The following ENTPD3 variants were observed in gnomAD, a reference collection of about 807,000 sequenced individuals.
ENTPD3 encodes ectonucleoside triphosphate diphosphohydrolase 3, also known as CD39 antigen-like 3.
A neutral mutation model predicts 51.2 loss-of-function variants in ENTPD3; 60 were observed. The observed-to-expected ratio is 1.17, with a 90% CI of 0.95 to 1.45. The LOEUF is 1.45. Ranked by LOEUF, ENTPD3 falls within the 40% of genes most tolerant of loss-of-function variation. ENTPD3 has a pLI of 0.00. For missense variants in ENTPD3, 593 were observed against 641.1 expected (o/e 0.93, Z 0.81); for synonymous variants, 221 against 238.4 (o/e 0.93, Z 0.67).
intron 3 of ENTPD3, among the ~76,000 whole-genome samples, chr3:40,392,858 T>C (rs1955097053): frequency 6.6e-6 from 1 of 152,138 alleles, no homozygotes; most frequent in Admixed American, 6.5e-5. Flanking sequence ...GCACCTCTTC[T>C]AGCCTAGGCT....
chr3:40,394,048 C>CAA lies in ENTPD3; in HGVS notation c.168+1923_168+1924dup, dbSNP rs559701033. Among the ~76,000 whole-genome samples, 545 of 64,418 alleles carry CAA rather than the reference C, an allele frequency of 8.5e-3. 60 individuals are homozygous for CAA. Among genetic ancestry groups the CAA allele is most frequent in the African/African-American group, 0.037 (505 of 13,810 alleles). 42.3% of individuals were successfully genotyped at this position (64,418 alleles called of 152,430 possible). The stretch of plus-strand genomic sequence containing the variant: ...TGGGCAACAGAGCGAGACTCTGTCT[C>CAA]AAAAAAAAAAAAAAAAAAAAAAAAA... On this transcript the variant is annotated intron_variant, in intron 3 of 10. Transcript: ENST00000301825.
intron 1 of ENTPD3, 28 bp from the exon 2 acceptor site, chr3:40,388,018 C>T: frequency 6.2e-7 from 1 of 1,603,064 alleles, no homozygotes. Context: ...GGTGGACTTA[C>T]TGACATCCTG....
In ENTPD3 at chr3:40,400,938, C is replaced by T. The variant is rs746211554; in HGVS notation, c.213C>T (p.Tyr71=). ...CCGGGTCTTCAAGAACCACAGTCTA[C>T]GTGTATCAATGGCCAGCAGAAAAAG... ...LDAGSSRTTV[Y]VYQWPAEKEN... Residue 71 remains tyrosine, a synonymous_variant, in exon 4 of 11, where the codon TAC becomes TAT. Coordinates refer to ENST00000301825, the MANE Select transcript of ENTPD3 (RefSeq NM_001248.4). The T allele has an allele frequency of 6.2e-6, 10 of 1,613,712 alleles. No homozygotes were observed. The highest frequency in any genetic ancestry group is 1.7e-4 in the Middle Eastern group (1 of 6,056).
intron 4 of ENTPD3, among the ~76,000 whole-genome samples, chr3:40,403,177 T>C (rs1955410249): frequency 6.6e-6 from 1 of 152,146 alleles, no homozygotes; most frequent in African/African-American, 2.4e-5. Context: ...GAGTCTTCTT[T>C]GGCTAATCAG....
At chr3:40,414,956 A>G in intron 6 of ENTPD3, 116 bp downstream of exon 6, 1 of 1,010,352 alleles carries the variant, frequency 9.9e-7, no homozygotes, top group East Asian at 2.4e-5. Flanking sequence ...CACTCCTACC[A>G]TGTAACGCAT....
At chr3:40,414,404 A>G (rs527577029) in intron 5 of ENTPD3, among the ~76,000 whole-genome samples, 1 of 152,182 alleles carries the variant, frequency 6.6e-6, no homozygotes, top group Non-Finnish European at 1.5e-5. Flanking sequence ...TTGATACATG[A>G]ACAGATGAGA....
chr3:40,404,082 G>A (rs1955436874), intron 4 of ENTPD3, among the ~76,000 whole-genome samples: 1 of 152,104 alleles, frequency 6.6e-6, no homozygotes, highest in Admixed American at 6.5e-5. Flanking sequence ...CCATGAAATA[G>A]GGCAGCAGGC....
Position 40,427,699 on chromosome 3 carries a change from T to C in ENTPD3, c.*191T>C, listed in dbSNP as rs905123951. 5.0e-6 allele frequency: 3 copies of C among 594,224 alleles called. No homozygotes were observed. The Admixed American group carries it at 8.8e-5, about 18-fold the overall frequency. The allele number at this position is 594,224 out of a possible 1,614,324, so 36.8% of individuals were successfully genotyped here. On this transcript the variant is annotated 3_prime_UTR_variant, in exon 11 of 11. Coordinates refer to ENST00000301825, the MANE Select transcript of ENTPD3 (RefSeq NM_001248.4). Reference sequence around the variant, plus strand: ...CATCCCTTGGCTATTCTGTGCATATTGTTCTTCAGAGACCTCACTACCCAC... The same window carrying C: ...CATCCCTTGGCTATTCTGTGCATATCGTTCTTCAGAGACCTCACTACCCAC...
intron 3 of ENTPD3, 43 bp from the exon 4 acceptor site, chr3:40,400,851 G>A: frequency 6.7e-7 from 1 of 1,497,442 alleles, no homozygotes; most frequent in Non-Finnish European, 9.3e-7. Flanking sequence ...AGTCCTCAGA[G>A]GAGTCCCGCC....
At chr3:40,390,673 T>C (rs1022115050) in intron 2 of ENTPD3, among the ~76,000 whole-genome samples, 3 of 152,234 alleles carry the variant, frequency 2.0e-5, no homozygotes, top group Non-Finnish European at 2.9e-5. Flanking sequence ...TTATAATGTT[T>C]TTTTAAAAGG....
intron 7 of ENTPD3, among the ~76,000 whole-genome samples, chr3:40,420,640 C>G (rs192149014): frequency 6.6e-6 from 1 of 151,976 alleles, no homozygotes; most frequent in Non-Finnish European, 1.5e-5. Flanking sequence ...TTTTTTCATA[C>G]CATAGAGGCA....
chr3:40,418,119 C>G (rs1955789187), intron 7 of ENTPD3, among the ~76,000 whole-genome samples: 1 of 152,180 alleles, frequency 6.6e-6, no homozygotes, highest in African/African-American at 2.4e-5. Flanking sequence ...GAGCCCAGCA[C>G]TGGCCATGGA....
intron 4 of ENTPD3, among the ~76,000 whole-genome samples, chr3:40,405,837 T>C (rs1955481404): frequency 6.6e-6 from 1 of 152,186 alleles, no homozygotes; most frequent in Admixed American, 6.5e-5. Context: ...TATATTTTGT[T>C]TATCCCAGAT....
chr3:40,401,107 G>C (rs958078683), intron 4 of ENTPD3, 96 bp downstream of exon 4: 37 of 884,608 alleles, frequency 4.2e-5, no homozygotes, highest in Non-Finnish European at 5.8e-5. Context: ...GTTGCTTGGA[G>C]GCAGGGAATG....
rs562341075 is a variant in ENTPD3, at chr3:40,411,680, C to A, written c.287-132C>A. ...GATCAGTGTGACCATACGGGACTTACCACATCCAGCTGTTTTCGACCCCCT... is the reference window on the plus strand; with the variant it reads ...GATCAGTGTGACCATACGGGACTTAACACATCCAGCTGTTTTCGACCCCCT... On this transcript the variant is annotated intron_variant, in intron 4 of 10. Coordinates refer to ENST00000301825, the MANE Select transcript of ENTPD3 (RefSeq NM_001248.4). 1.3e-4 allele frequency: 96 copies of A among 764,174 alleles called. No homozygotes were observed. The East Asian group carries it at 1.9e-3, about 15-fold the overall frequency. 47.3% of individuals were successfully genotyped at this position (764,174 alleles called of 1,614,324 possible).
intron 7 of ENTPD3, among the ~76,000 whole-genome samples, chr3:40,417,791 T>A (rs77496121): frequency 0.045 from 6,829 of 152,250 alleles, 458 homozygotes; most frequent in African/African-American, 0.15. Context: ...TCCTCTTTTC[T>A]CCAGCTCCTT....
At chr3:40,401,388 T>C (rs1266628960) in intron 4 of ENTPD3, among the ~76,000 whole-genome samples, 6 of 152,234 alleles carry the variant, frequency 3.9e-5, no homozygotes, top group Admixed American at 3.9e-4. Flanking sequence ...TTTCTTATAC[T>C]GGTTCTGATT....
chr3:40,417,235 T>C (rs992741877), intron 7 of ENTPD3, among the ~76,000 whole-genome samples: 3 of 152,178 alleles, frequency 2.0e-5, no homozygotes, highest in Admixed American at 2.0e-4. Context: ...TAGTAATCCA[T>C]GCTCACACTA....
rs143000438 is a variant in ENTPD3, at chr3:40,425,183, C to T, written c.1353+1220C>T. Among the ~76,000 whole-genome samples, 646 of 152,068 alleles carry T rather than the reference C, an allele frequency of 4.2e-3. 3 individuals are homozygous for T. Among genetic ancestry groups the T allele is most frequent in the African/African-American group, 0.014 (590 of 41,442 alleles). Reference sequence around the variant, plus strand: ...CTGTAATCCCAGCGCTTTGGGAGGCCGAGGCAGGCGGATCACCTGAGGTCA... The same window carrying T: ...CTGTAATCCCAGCGCTTTGGGAGGCTGAGGCAGGCGGATCACCTGAGGTCA... On this transcript the variant is annotated intron_variant, in intron 10 of 10. Coordinates refer to ENST00000301825, the MANE Select transcript of ENTPD3 (RefSeq NM_001248.4).
Sources: gnomAD v4.1 joint callset for allele counts (sites outside exome capture counted in the v4.1 genomes callset) on GRCh38, gnomAD v4.1.1 for gene constraint, MANE v1.5 for transcripts, NCBI Gene and HGNC (gene_info 2026-07-23, HGNC 2026-07-21) for gene names.